ALK: variants seen among roughly 807,000 people sequenced by gnomAD.
The protein encoded by ALK is ALK tyrosine kinase receptor.
Under a neutral mutation model 163.1 loss-of-function variants are expected in ALK, and 74 were observed. The observed-to-expected ratio is 0.45, with a 90% CI of 0.38 to 0.55. The LOEUF (loss-of-function observed/expected upper bound fraction) is 0.55, where lower values mean the gene tolerates loss of function less well. Among genes scored for constraint, ALK ranks in the 20% least tolerant of loss-of-function variants. ALK has a pLI of 0.00. For synonymous variants in ALK, 960 were observed against 843.2 expected, an observed-to-expected ratio of 1.14 and a Z score of -2.40; for missense variants, 2,063 against 2,105.3, an observed-to-expected ratio of 0.98 and a Z score of 0.39.
At chr2:29,460,701 A>G (rs1359628998) in intron 4 of ALK, among the ~76,000 whole-genome samples, 4 of 152,158 alleles carry the variant, frequency 2.6e-5, no homozygotes, top group African/African-American at 4.8e-5. Context: ...CCGACATGCC[A>G]TTCTCCATTT....
intron 8 of ALK, among the ~76,000 whole-genome samples, chr2:29,316,501 T>C (rs1407283873): frequency 1.3e-5 from 2 of 151,948 alleles, no homozygotes; most frequent in African/African-American, 4.9e-5. Context: ...AGAGAAATGA[T>C]GAAGTATTAG....
At chr2:29,268,564 A>G (rs1665299242) in intron 11 of ALK, among the ~76,000 whole-genome samples, 1 of 152,204 alleles carries the variant, frequency 6.6e-6, no homozygotes, top group South Asian at 2.1e-4. Context: ...CATGCTTGTT[A>G]AATTGAACTA....
At chr2:29,890,965 T>A (rs1196217004) in intron 1 of ALK, 1 of 152,252 alleles carries the variant, frequency 6.6e-6, no homozygotes, top group African/African-American at 2.4e-5. Flanking sequence ...TCACACCTGC[T>A]GTTCCTGGCT....
At chr2:29,412,392 T>A (rs1669746186) in intron 4 of ALK, among the ~76,000 whole-genome samples, 1 of 152,150 alleles carries the variant, frequency 6.6e-6, no homozygotes, top group South Asian at 2.1e-4. Flanking sequence ...GCCCTGGGGT[T>A]TTCACTGTGC....
intron 1 of ALK, among the ~76,000 whole-genome samples, chr2:29,864,922 C>T (rs1262623665): frequency 6.6e-6 from 1 of 152,174 alleles, no homozygotes; most frequent in Non-Finnish European, 1.5e-5. Flanking sequence ...CGCCTCCCAC[C>T]CTCTCCCCTG....
At position 29,619,063 on chromosome 2, in the gene ALK, T is replaced by C. The variant is rs138444790; in HGVS notation, c.952+75787A>G. ...TTTAATTAAATAAGTATTAAGAAAA[T>C]GATTATATAACACAAGAAACCCATA... On this transcript the variant is annotated intron_variant, in intron 3 of 28. Transcript: ENST00000389048. 2.6e-3 allele frequency among the ~76,000 whole-genome samples: 394 copies of C among 151,902 alleles called. 2 individuals are homozygous for C. The highest frequency in any genetic ancestry group is 0.017 in the Middle Eastern group (5 of 294).
intron 3 of ALK, among the ~76,000 whole-genome samples, chr2:29,556,130 T>G (rs1333737556): frequency 2.6e-5 from 4 of 152,176 alleles, no homozygotes; most frequent in East Asian, 1.9e-4. Context: ...AACTAGTATC[T>G]GCAGAGCCTA....
rs549436456 is a variant in ALK at position 29,289,258 on chromosome 2, C to T, written c.1817+7630G>A. ...GGTGGGACCCCAGCCCTGCCAAAGT[C>T]CCCTCAGCCTTGCAGGCTGCTGATG... On this transcript the variant is annotated intron_variant, in intron 9 of 28. Transcript: ENST00000389048. Among the ~76,000 whole-genome samples, 23 of 152,324 alleles carry T rather than the reference C, an allele frequency of 1.5e-4. No individual in the cohort carries two copies. The South Asian group carries it at 4.6e-3, about 30-fold the overall frequency.
intron 1 of ALK, among the ~76,000 whole-genome samples, chr2:29,908,906 A>G (rs1667624366): frequency 6.6e-6 from 1 of 152,204 alleles, no homozygotes; most frequent in Non-Finnish European, 1.5e-5. Flanking sequence ...TCCTGGGAGG[A>G]AGAGACTGTA....
chr2:29,895,255 A>G (rs4358079), intron 1 of ALK, among the ~76,000 whole-genome samples: 111,600 of 152,144 alleles, frequency 0.73, 41,106 homozygotes, highest in East Asian at 0.78. Flanking sequence ...CCTCCTCCCC[A>G]GCACTCTGCA....
At chr2:29,669,564 C>A (rs892896022) in intron 3 of ALK, among the ~76,000 whole-genome samples, 1 of 151,892 alleles carries the variant, frequency 6.6e-6, no homozygotes, top group Non-Finnish European at 1.5e-5. Context: ...CCACTCTATG[C>A]CTTTTAATTA....
chr2:29,837,443 A>G (rs1459587247), intron 1 of ALK, among the ~76,000 whole-genome samples: 2 of 152,230 alleles, frequency 1.3e-5, no homozygotes. Flanking sequence ...CATGTGCAGT[A>G]TAAGACTTCA....
chr2:29,918,140 T>A (rs772547514), intron 1 of ALK, among the ~76,000 whole-genome samples: 1 of 152,224 alleles, frequency 6.6e-6, no homozygotes, highest in Non-Finnish European at 1.5e-5. Flanking sequence ...CACCCACTGA[T>A]AGCTTCATGC....
intron 12 of ALK, among the ~76,000 whole-genome samples, chr2:29,241,285 C>T (rs1163747446): frequency 2.0e-5 from 3 of 152,128 alleles, no homozygotes; most frequent in East Asian, 1.9e-4. Context: ...GTGGAGTGCT[C>T]CCGGGCTCCC....
chr2:29,337,464 T>C (rs1667651805), intron 5 of ALK, among the ~76,000 whole-genome samples: 1 of 152,188 alleles, frequency 6.6e-6, no homozygotes, highest in Non-Finnish European at 1.5e-5. Context: ...CAGCCATTCA[T>C]AGTTGCCATG....
chr2:29,718,761 C>T (rs1253860987), intron 1 of ALK, among the ~76,000 whole-genome samples: 2 of 152,164 alleles, frequency 1.3e-5, no homozygotes, highest in African/African-American at 4.8e-5. Flanking sequence ...AGGTTTGCCT[C>T]ATATCAGCAG....
chr2:29,774,195 T>C (rs978430887), intron 1 of ALK, among the ~76,000 whole-genome samples: 21 of 152,316 alleles, frequency 1.4e-4, no homozygotes, highest in Non-Finnish European at 1.2e-4. Flanking sequence ...GACTGTCAGC[T>C]CATTCTCTCC....
At chr2:29,472,656 T>C (rs1466657684) in intron 4 of ALK, among the ~76,000 whole-genome samples, 3 of 152,144 alleles carry the variant, frequency 2.0e-5, no homozygotes, top group South Asian at 2.1e-4. Context: ...CTAGAATCAA[T>C]AGGTGAATTT....
intron 1 of ALK, among the ~76,000 whole-genome samples, chr2:29,776,082 T>C (rs1681167317): frequency 6.6e-6 from 1 of 152,148 alleles, no homozygotes. Flanking sequence ...TCAGACATAA[T>C]GTTGATCACC....
Sources: allele counts gnomAD v4.1 joint callset (sites outside exome capture counted in the v4.1 genomes callset), GRCh38; gene constraint gnomAD v4.1.1; transcripts MANE v1.5; gene names NCBI Gene and HGNC (gene_info 2026-07-23, HGNC 2026-07-21).